The following FHIP1A variants were observed in gnomAD, a reference collection of about 807,000 sequenced individuals.
The protein encoded by FHIP1A is FHF complex subunit HOOK interacting protein 1A.
FHIP1A carries 61 observed loss-of-function variants against 88.6 expected under a neutral mutation model. That is an observed-to-expected ratio of 0.69 (90% confidence interval 0.56 to 0.85). The LOEUF (loss-of-function observed/expected upper bound fraction) is 0.85, where lower values mean the gene tolerates loss of function less well. Ranked by LOEUF, FHIP1A falls within the 40% of genes least tolerant of loss-of-function variation. The probability of loss-of-function intolerance (pLI) is 0.00; values close to 1 mark genes in which losing one functional copy is unlikely to be tolerated. For synonymous variants in FHIP1A, 478 were observed against 496.0 expected, an observed-to-expected ratio of 0.96 and a Z score of 0.48; for missense variants, 1,154 against 1,273.5, an observed-to-expected ratio of 0.91 and a Z score of 1.43.
rs140536515 is a variant in FHIP1A at position 151,535,971 on chromosome 4, A to C, written c.-122-30167A>C. Among the ~76,000 whole-genome samples the C allele has an allele frequency of 2.0e-5, 3 of 152,342 alleles. No homozygotes were observed. In the East Asian group the frequency reaches 5.8e-4, roughly 29 times the overall value. On this transcript the variant is annotated intron_variant, in intron 3 of 13. Transcript: ENST00000435205. Reference sequence around the variant, plus strand: ...GTTCGTTACAGTTAATACTCTAAAAATGGAATTGTTGGATAAAAGGTTATG... The same window carrying C: ...GTTCGTTACAGTTAATACTCTAAAACTGGAATTGTTGGATAAAAGGTTATG...
At chr4:151,474,777 A>G (rs1178684483) in intron 2 of FHIP1A, among the ~76,000 whole-genome samples, 1 of 152,186 alleles carries the variant, frequency 6.6e-6, no homozygotes, top group Non-Finnish European at 1.5e-5. Flanking sequence ...TGTGCAGATG[A>G]AGGTCACAGC....
At chr4:151,443,685 C>CTGTGTGTG (rs57147339) in intron 1 of FHIP1A, among the ~76,000 whole-genome samples, 9,118 of 122,024 alleles carry the variant, frequency 0.075, 412 homozygotes, top group East Asian at 0.1. Context: ...ATGAAGCACT[C>CTGTGTGTG]TGTGTGTGTG....
At chr4:151,439,314 AAGT>A (rs1417002796) in intron 1 of FHIP1A, among the ~76,000 whole-genome samples, 3 of 152,178 alleles carry the variant, frequency 2.0e-5, no homozygotes, top group Admixed American at 2.0e-4. Context: ...TATTTATGAC[AAGT>A]ATTTAGAATA....
intron 11 of FHIP1A, among the ~76,000 whole-genome samples, chr4:151,655,776 T>C (rs1389727194): frequency 1.3e-5 from 2 of 152,172 alleles, no homozygotes; most frequent in Non-Finnish European, 2.9e-5. Context: ...TTACAGAGAA[T>C]TTTTCATTAC....
intron 3 of FHIP1A, among the ~76,000 whole-genome samples, chr4:151,563,086 T>A (rs1425734442): frequency 1.3e-5 from 2 of 152,066 alleles, no homozygotes; most frequent in Non-Finnish European, 2.9e-5. Context: ...TTTTCTTTCC[T>A]TATTGATGGA....
chr4:151,527,837 CT>C (rs1414803030), intron 3 of FHIP1A, among the ~76,000 whole-genome samples: 2 of 152,200 alleles, frequency 1.3e-5, no homozygotes, highest in East Asian at 3.9e-4. Context: ...GGTTTACTAG[CT>C]TCAAAGATTC....
intron 1 of FHIP1A, among the ~76,000 whole-genome samples, chr4:151,417,845 A>T (rs1264543656): frequency 3.3e-5 from 5 of 152,120 alleles, no homozygotes; most frequent in Admixed American, 6.6e-5. Flanking sequence ...CTTTTGGCTT[A>T]TTTTAAGCAA....
intron 7 of FHIP1A, among the ~76,000 whole-genome samples, chr4:151,590,099 G>C (rs943205009): frequency 2.6e-5 from 4 of 152,154 alleles, no homozygotes; most frequent in Non-Finnish European, 4.4e-5. Context: ...TCAGTATTCT[G>C]TTGTTCCAGG....
At chr4:151,536,424 T>G (rs1732071118) in intron 3 of FHIP1A, among the ~76,000 whole-genome samples, 1 of 152,194 alleles carries the variant, frequency 6.6e-6, no homozygotes, top group South Asian at 2.1e-4. Flanking sequence ...TCTATTGCCC[T>G]CTTATAATCA....
intron 3 of FHIP1A, among the ~76,000 whole-genome samples, chr4:151,504,270 T>C (rs1311892339): frequency 1.3e-5 from 2 of 152,246 alleles, no homozygotes; most frequent in African/African-American, 4.8e-5. Context: ...CTACTGATCA[T>C]TTCCACACTG....
chr4:151,433,908 T>C (rs1733695817), intron 1 of FHIP1A, among the ~76,000 whole-genome samples: 2 of 152,178 alleles, frequency 1.3e-5, no homozygotes, highest in Admixed American at 1.3e-4. Flanking sequence ...ATAAAACAGC[T>C]CTATGCCCTT....
At chr4:151,574,446 A>C (rs1733707987) in intron 4 of FHIP1A, among the ~76,000 whole-genome samples, 1 of 152,202 alleles carries the variant, frequency 6.6e-6, no homozygotes. Context: ...AAAGTTAATG[A>C]GAAAAATACA....
At chr4:151,467,961 C>G (rs1431875585) in intron 2 of FHIP1A, among the ~76,000 whole-genome samples, 1 of 147,990 alleles carries the variant, frequency 6.8e-6, no homozygotes, top group African/African-American at 2.5e-5. Flanking sequence ...CAAACGCTCA[C>G]GTTCTGCACA....
At chr4:151,526,009 A>G (rs1731618623) in intron 3 of FHIP1A, among the ~76,000 whole-genome samples, 1 of 152,056 alleles carries the variant, frequency 6.6e-6, no homozygotes, top group Non-Finnish European at 1.5e-5. Flanking sequence ...CACATCTTGC[A>G]CCGCCCTTAA....
chr4:151,625,448 T>G (rs2126871018), intron 7 of FHIP1A, among the ~76,000 whole-genome samples: 1 of 152,316 alleles, frequency 6.6e-6, no homozygotes, highest in Middle Eastern at 3.4e-3. Flanking sequence ...AAATGTATTT[T>G]TCAGGACACA....
intron 3 of FHIP1A, among the ~76,000 whole-genome samples, chr4:151,554,156 C>T (rs1192382144): frequency 3.9e-5 from 6 of 152,160 alleles, no homozygotes; most frequent in South Asian, 2.1e-4. Context: ...ATGGGGATGA[C>T]GCCCTACCTC....
intron 1 of FHIP1A, among the ~76,000 whole-genome samples, chr4:151,422,497 G>A (rs1053490247): frequency 2.0e-5 from 3 of 151,936 alleles, no homozygotes; most frequent in African/African-American, 2.4e-5. Flanking sequence ...CAGGATTCTT[G>A]TGCCTCAGCC....
At chr4:151,518,893 G>A (rs1054683551) in intron 3 of FHIP1A, among the ~76,000 whole-genome samples, 2 of 151,830 alleles carry the variant, frequency 1.3e-5, no homozygotes, top group Non-Finnish European at 2.9e-5. Context: ...TGTTGTCCAG[G>A]CTGGTCTCGA....
intron 7 of FHIP1A, among the ~76,000 whole-genome samples, chr4:151,594,176 C>A (rs1734556548): frequency 6.6e-6 from 1 of 151,716 alleles, no homozygotes; most frequent in South Asian, 2.1e-4. Context: ...GATCGATGTT[C>A]ATCAGGGACA....
Sources: allele counts gnomAD v4.1 joint callset (sites outside exome capture counted in the v4.1 genomes callset), GRCh38; gene constraint gnomAD v4.1.1; transcripts MANE v1.5; gene names NCBI Gene and HGNC (gene_info 2026-07-23, HGNC 2026-07-21).